The following ELSPBP1 variants were observed in gnomAD, a reference collection of about 807,000 sequenced individuals.
ELSPBP1 encodes the protein epididymal sperm-binding protein 1.
In ELSPBP1, 38 loss-of-function variants were observed where a neutral mutation model predicts 33.3. The ratio of observed to expected loss-of-function variants is 1.14; its 90% CI spans 0.88 to 1.50. The LOEUF is 1.50. Ranked by LOEUF, ELSPBP1 falls within the 40% of genes most tolerant of loss-of-function variation. The probability of loss-of-function intolerance (pLI) is 0.00; values close to 1 mark genes in which losing one functional copy is unlikely to be tolerated. For synonymous variants in ELSPBP1, 85 were observed against 94.1 expected (o/e 0.90, Z 0.56); for missense variants, 267 against 263.5 (o/e 1.01, Z -0.09).
intron 4 of ELSPBP1, 83 bp downstream of exon 4, chr19:48,016,122 G>A (rs1568407175): frequency 6.6e-7 from 1 of 1,523,238 alleles, no homozygotes; most frequent in Non-Finnish European, 9.0e-7. Flanking sequence ...GCTGGGCAAG[G>A]TAGAGACCAG....
intron 1 of ELSPBP1, among the ~76,000 whole-genome samples, chr19:47,997,022 A>G (rs1428123282): frequency 1.3e-5 from 2 of 152,190 alleles, no homozygotes; most frequent in African/African-American, 4.8e-5. Context: ...AGAACTGTTT[A>G]TTAGCATCCC....
Position 48,022,344 on chromosome 19 carries a change from G to C in ELSPBP1, c.*7+10G>C. 6.3e-7 allele frequency: 1 copy of C among 1,592,742 alleles called. No homozygotes were observed. Among genetic ancestry groups the C allele is most frequent in the Non-Finnish European group, 8.5e-7 (1 of 1,170,744 alleles). On this transcript the variant is annotated intron_variant, in intron 6 of 6. Transcript: ENST00000339841. ...TATTGCTGATGCTGAGGTGAGAGCA[G>C]GGACCAACAGTGGTCATTTCACGGA...
intron 4 of ELSPBP1, 139 bp from the exon 5 acceptor site, chr19:48,019,580 C>T (rs560390903): frequency 1.6e-5 from 11 of 706,744 alleles, no homozygotes; most frequent in South Asian, 4.3e-5. Context: ...GGGATAATAA[C>T]GTCATCCGGA....
chr19:47,994,866 C>T (rs1300340166), intron 1 of ELSPBP1, 55 bp downstream of exon 1: 1 of 151,990 alleles, frequency 6.6e-6, no homozygotes, highest in African/African-American at 2.4e-5. Context: ...CTTAGGGCCC[C>T]CATAGCAAAG....
intron 2 of ELSPBP1, 56 bp from the exon 3 acceptor site, chr19:48,014,115 C>G: frequency 6.3e-7 from 1 of 1,587,742 alleles, no homozygotes; most frequent in Admixed American, 1.7e-5. Context: ...AAGACTCATC[C>G]TTTGCTAATT....
intron 2 of ELSPBP1, among the ~76,000 whole-genome samples, chr19:48,010,777 G>A (rs1487850195): frequency 6.6e-6 from 1 of 152,160 alleles, no homozygotes; most frequent in African/African-American, 2.4e-5. Context: ...AGAACAGGCA[G>A]GTCAGCAGGG....
chr19:48,019,102 C>T (rs901718551), intron 4 of ELSPBP1, among the ~76,000 whole-genome samples: 6 of 151,638 alleles, frequency 4.0e-5, no homozygotes, highest in East Asian at 1.9e-4. Context: ...TGCAGTGAGC[C>T]GAGATCGTAC....
At chr19:48,001,533 T>C (rs1267087087) in intron 1 of ELSPBP1, among the ~76,000 whole-genome samples, 2 of 151,926 alleles carry the variant, frequency 1.3e-5, no homozygotes, top group African/African-American at 4.8e-5. Context: ...TCAAGATCCT[T>C]AGCTTTATGA....
chr19:48,023,481 G>GGGAAGGGAGGAGGGAAGGAAGGGAGGAA (rs1967230565), intron 6 of ELSPBP1, among the ~76,000 whole-genome samples: 2 of 43,688 alleles, frequency 4.6e-5, no homozygotes, highest in African/African-American at 9.7e-5. Context: ...GAAGGGAGGA[G>GGGAAGGGAGGAGGGAAGGAAGGGAGGAA]GGAAGGGAGG....
Position 48,011,810 on chromosome 19 carries a change from C to A in ELSPBP1, c.71-2361C>A, listed in dbSNP as rs548951909. On this transcript the variant is annotated intron_variant, in intron 2 of 6. Coordinates refer to ENST00000339841, the MANE Select transcript of ELSPBP1 (RefSeq NM_022142.5). This position sits in a 1 kb window ranked among gnomAD's most constrained non-coding sequence, Gnocchi z 4.5. ...ATGATGATGACAATGATAATCATAG[C>A]TAATATTTATTAAGCAGCAGCCATG... Among the ~76,000 whole-genome samples the A allele has an allele frequency of 9.2e-5, 14 of 152,066 alleles. No individual in the cohort carries two copies. Among genetic ancestry groups the A allele is most frequent in the Non-Finnish European group, 1.3e-4 (9 of 68,020 alleles).
intron 6 of ELSPBP1, among the ~76,000 whole-genome samples, 181 bp from the exon 7 acceptor site, chr19:48,024,771 T>C (rs1967252610): frequency 6.6e-6 from 1 of 152,166 alleles, no homozygotes; most frequent in Non-Finnish European, 1.5e-5. Flanking sequence ...TCATTGTTCA[T>C]TGATCTCCTT....
intron 2 of ELSPBP1, among the ~76,000 whole-genome samples, chr19:48,013,269 G>A (rs553193966): frequency 6.6e-6 from 1 of 152,192 alleles, no homozygotes; most frequent in Non-Finnish European, 1.5e-5. Flanking sequence ...CACCACGGTT[G>A]TCTTGGTTGT....
chr19:48,009,787 C>T (rs1685984315), intron 2 of ELSPBP1, among the ~76,000 whole-genome samples: 1 of 146,552 alleles, frequency 6.8e-6, no homozygotes, highest in South Asian at 2.2e-4. Context: ...GACACAATAA[C>T]ATTTTTTTTT....
intron 1 of ELSPBP1, among the ~76,000 whole-genome samples, chr19:48,006,885 A>G (rs1031997269): frequency 1.5e-4 from 23 of 152,242 alleles, no homozygotes; most frequent in African/African-American, 4.3e-4. Context: ...GAACGACAAG[A>G]AAAAGGGAGA....
At chr19:48,016,493 TTTCTTTC>T (rs1967139023) in intron 4 of ELSPBP1, among the ~76,000 whole-genome samples, 5 of 104,416 alleles carry the variant, frequency 4.8e-5, no homozygotes, top group East Asian at 2.3e-4. Flanking sequence ...TCTTTCTTTC[TTTCTTTC>T]TTTCTTTCTT....
Position 48,014,288 on chromosome 19 carries a change from G to T in ELSPBP1, c.188G>T (p.Trp63Leu). 6.2e-7 allele frequency: 1 copy of T among 1,613,712 alleles called. No homozygotes were observed. The highest frequency in any genetic ancestry group is 8.5e-7 in the Non-Finnish European group (1 of 1,179,956). ...ACCAGAGCCGTGTACAACGGCCAGT[G>T]GAAGTACTGCCAGAGTGAAGGTGAG... ...CATRAVYNGQ[W>L]KYCQSEDYPR... The change falls in exon 3 of 7, where the codon TGG becomes TTG. Residue 63 changes from tryptophan to leucine, a missense_variant. Transcript: ENST00000339841.
Position 48,019,850 on chromosome 19 carries a change from G to A in ELSPBP1, c.487G>A (p.Gly163Arg). The A allele has an allele frequency of 2.6e-5, 42 of 1,613,588 alleles. No homozygotes were observed. The highest frequency in any genetic ancestry group is 3.3e-5 in the Non-Finnish European group (39 of 1,179,730). ...CPTTENMDKD[G>R]KWSFCADTRI... ...AACCACAGAGAACATGGATAAGGATGGAAAGTGGAGTTTCTGTGCCGACAC... is the reference window on the plus strand; with the variant it reads ...AACCACAGAGAACATGGATAAGGATAGAAAGTGGAGTTTCTGTGCCGACAC... Residue 163 changes from glycine to arginine, a missense_variant, in exon 5 of 7, where the codon GGA (glycine) becomes AGA (arginine). Coordinates refer to ENST00000339841, the MANE Select transcript of ELSPBP1 (RefSeq NM_022142.5).
intron 1 of ELSPBP1, among the ~76,000 whole-genome samples, chr19:48,003,393 G>T (rs1966985671): frequency 6.6e-6 from 1 of 152,102 alleles, no homozygotes; most frequent in Non-Finnish European, 1.5e-5. Context: ...AAGGCCTTGA[G>T]GTGGCTTCTG....
intron 6 of ELSPBP1, among the ~76,000 whole-genome samples, chr19:48,023,145 AG>A: frequency 7.2e-6 from 1 of 138,568 alleles, no homozygotes; most frequent in Non-Finnish European, 1.6e-5. Context: ...AAGGGAAGAA[AG>A]GAGGGAGGGA....
Sources: gnomAD v4.1 joint callset for allele counts (sites outside exome capture counted in the v4.1 genomes callset) on GRCh38, gnomAD v4.1.1 for gene constraint, Gnocchi (gnomAD v3.1) non-coding constraint, MANE v1.5 for transcripts, NCBI Gene and HGNC (gene_info 2026-07-23, HGNC 2026-07-21) for gene names.